UTRN: variants seen among roughly 807,000 people sequenced by gnomAD.
The protein encoded by UTRN is dystrophin-related protein 1.
UTRN carries 283 observed loss-of-function variants against 463.9 expected under a neutral mutation model. That is an observed-to-expected ratio of 0.61 (90% confidence interval 0.55 to 0.67). The LOEUF is 0.67. Among genes scored for constraint, UTRN ranks in the 30% least tolerant of loss-of-function variants. The probability of loss-of-function intolerance (pLI) is 0.00; values close to 1 mark genes in which losing one functional copy is unlikely to be tolerated. For missense variants in UTRN, 3,922 were observed against 4,084.3 expected (o/e 0.96, Z 1.08); for synonymous variants, 1,442 against 1,431.5 (o/e 1.01, Z -0.17).
intron 2 of UTRN, chr6:144,333,243 A>G (rs954400092): frequency 1.3e-5 from 2 of 152,088 alleles, no homozygotes; most frequent in Non-Finnish European, 2.9e-5. Flanking sequence ...GCTCAGCCTG[A>G]TATTAACCTT....
intron 51 of UTRN, among the ~76,000 whole-genome samples, chr6:144,595,247 A>G (rs1056379534): frequency 2.6e-5 from 4 of 152,210 alleles, no homozygotes; most frequent in African/African-American, 9.6e-5. Context: ...ATTAATGTTT[A>G]TGAATTTGCT....
Position 144,851,079 on chromosome 6 carries a change from C to A in UTRN, c.*82C>A. 4 of 1,587,822 alleles carry A rather than the reference C, an allele frequency of 2.5e-6. No individual in the cohort carries two copies. The highest frequency in any genetic ancestry group is 3.3e-4 in the Middle Eastern group (2 of 6,008). On this transcript the variant is annotated 3_prime_UTR_variant, in exon 75 of 75. Transcript: ENST00000367545. Reference sequence around the variant, plus strand: ...ATGCCAATTCCAAGTTCCATTAAATCAGAAGCTCCATGGCTCCTTGGCCCA... The same window carrying A: ...ATGCCAATTCCAAGTTCCATTAAATAAGAAGCTCCATGGCTCCTTGGCCCA...
chr6:144,400,044 C>G (rs1562344440), intron 2 of UTRN, among the ~76,000 whole-genome samples: 1 of 152,096 alleles, frequency 6.6e-6, no homozygotes, highest in Admixed American at 6.5e-5. Context: ...CTAATTCAGT[C>G]TCGTGTTCAT....
intron 52 of UTRN, among the ~76,000 whole-genome samples, chr6:144,691,682 C>T (rs1311174134): frequency 6.6e-6 from 1 of 152,136 alleles, no homozygotes; most frequent in Non-Finnish European, 1.5e-5. Context: ...ATTCCAATGT[C>T]CATACTCTCT....
At chr6:144,293,803 T>C (rs544087088) in intron 2 of UTRN, among the ~76,000 whole-genome samples, 1 of 152,202 alleles carries the variant, frequency 6.6e-6, no homozygotes, top group South Asian at 2.1e-4. Context: ...TCTGAACAGA[T>C]CATACATGAT....
At chr6:144,647,849 A>AT (rs1046497262) in intron 51 of UTRN, among the ~76,000 whole-genome samples, 1 of 152,106 alleles carries the variant, frequency 6.6e-6, no homozygotes, top group African/African-American at 2.4e-5. Context: ...TTTCATATGT[A>AT]TTTTTTCATG....
intron 3 of UTRN, among the ~76,000 whole-genome samples, chr6:144,418,448 C>A (rs1207021303): frequency 6.6e-6 from 1 of 150,520 alleles, no homozygotes; most frequent in Non-Finnish European, 1.5e-5. Flanking sequence ...TGGTCTCGAT[C>A]TCCTGACCTC....
At position 144,461,194 on chromosome 6, in the gene UTRN, C is replaced by T. The variant is rs767351905; in HGVS notation, c.2708-3C>T. On this transcript the variant is annotated splice_region_variant and splice_polypyrimidine_tract_variant and intron_variant, in intron 21 of 74. Coordinates refer to ENST00000367545, the MANE Select transcript of UTRN (RefSeq NM_007124.3). ...TTCAAACTAAATATTTTTAAATAAA[C>T]AGAACTGAAGGGCCAACCTGGACAT... The T allele has an allele frequency of 3.5e-5, 54 of 1,558,772 alleles. No individual in the cohort carries two copies. The highest frequency in any genetic ancestry group is 4.6e-5 in the Non-Finnish European group (53 of 1,154,038).
At chr6:144,622,137 G>A (rs1048796451) in intron 51 of UTRN, among the ~76,000 whole-genome samples, 5 of 146,968 alleles carry the variant, frequency 3.4e-5, no homozygotes, top group Admixed American at 3.4e-4. Context: ...ATATACCATT[G>A]AATGAGTGTT....
intron 53 of UTRN, chr6:144,707,197 G>A (rs376847092): frequency 1.3e-5 from 2 of 152,018 alleles, no homozygotes; most frequent in Admixed American, 6.6e-5. Context: ...GGCTGATTTT[G>A]GAAGGTCACA....
intron 51 of UTRN, among the ~76,000 whole-genome samples, chr6:144,620,730 T>G (rs1454710377): frequency 6.6e-6 from 1 of 152,196 alleles, no homozygotes. Context: ...TTTTTCTTTT[T>G]GATCTGGCTG....
At chr6:144,656,314 C>T (rs921962719) in intron 51 of UTRN, among the ~76,000 whole-genome samples, 2 of 152,136 alleles carry the variant, frequency 1.3e-5, no homozygotes, top group African/African-American at 4.8e-5. Context: ...TACAGGATTA[C>T]AGGTGATAAT....
Position 144,493,300 on chromosome 6 carries a change from G to T in UTRN, c.4438-1G>T. Reference sequence around the variant, plus strand: ...TGTCTTTTTCTTTGTTTGTTTTAAAGAAACTGTATAAAACTTTGAGTGAAG... The same window carrying T: ...TGTCTTTTTCTTTGTTTGTTTTAAATAAACTGTATAAAACTTTGAGTGAAG... On this transcript the variant is annotated splice_acceptor_variant, in intron 32 of 74. Transcript: ENST00000367545. LOFTEE classifies it high-confidence loss of function. The T allele has an allele frequency of 2.5e-6, 4 of 1,613,530 alleles. No homozygotes were observed. Among genetic ancestry groups the T allele is most frequent in the Non-Finnish European group, 3.4e-6 (4 of 1,179,716 alleles).
chr6:144,443,951 A>G (rs1490979921), intron 13 of UTRN, among the ~76,000 whole-genome samples: 1 of 152,096 alleles, frequency 6.6e-6, no homozygotes, highest in Admixed American at 6.5e-5. Context: ...TGTTTGTTTT[A>G]TTTTTTAATA....
intron 53 of UTRN, among the ~76,000 whole-genome samples, chr6:144,718,176 T>G (rs1169195697): frequency 6.6e-6 from 1 of 152,108 alleles, no homozygotes; most frequent in African/African-American, 2.4e-5. Flanking sequence ...TTAGCATGAT[T>G]TTAATAGTAA....
At chr6:144,287,697 G>A (rs1208486111) in intron 1 of UTRN, among the ~76,000 whole-genome samples, 1 of 152,048 alleles carries the variant, frequency 6.6e-6, no homozygotes, top group Non-Finnish European at 1.5e-5. Context: ...AACACCTTAT[G>A]TTTATTTCAT....
chr6:144,511,092 C>T lies in UTRN; in HGVS notation c.4913C>T (p.Thr1638Ile). The T allele has an allele frequency of 1.2e-6, 2 of 1,605,960 alleles. No homozygotes were observed. Among genetic ancestry groups the T allele is most frequent in the Non-Finnish European group, 1.7e-6 (2 of 1,174,942 alleles). ...AACGCTGGGTGGAGCCGAGTTCGTA[C>T]CTGGACTGAAGATTGGTGCAATACC... ...VLNAGWSRVRTWTEDWCNTLM... is the reference protein window; with the variant it reads ...VLNAGWSRVRIWTEDWCNTLM... Residue 1638 changes from threonine to isoleucine, a missense_variant, in exon 35 of 75, where the codon ACC becomes ATC. Thr to Ile is a moderately conservative substitution (Grantham distance 89, BLOSUM62 -1). Transcript: ENST00000367545.
intron 58 of UTRN, among the ~76,000 whole-genome samples, chr6:144,764,963 GCCAATGCAA>G (rs906432651): frequency 6.6e-6 from 1 of 151,442 alleles, no homozygotes; most frequent in African/African-American, 2.4e-5. Flanking sequence ...GCTCCCCAGG[GCCAATGCAA>G]CAACAAATGA....
chr6:144,651,253 A>G (rs757771392), intron 51 of UTRN, among the ~76,000 whole-genome samples: 17 of 152,282 alleles, frequency 1.1e-4, no homozygotes, highest in East Asian at 1.9e-4. Flanking sequence ...TGGTATACAT[A>G]TAATAATAAG....
Sources: gnomAD v4.1 joint callset for allele counts (sites outside exome capture counted in the v4.1 genomes callset) on GRCh38, gnomAD v4.1.1 for gene constraint, MANE v1.5 for transcripts, NCBI Gene and HGNC (gene_info 2026-07-23, HGNC 2026-07-21) for gene names.